The following SRPK1 variants were observed in gnomAD, a reference collection of about 807,000 sequenced individuals.
The protein encoded by SRPK1 is SFRS protein kinase 1.
Under a neutral mutation model 89.5 loss-of-function variants are expected in SRPK1, and 52 were observed. The observed-to-expected ratio is 0.58, with a 90% CI of 0.46 to 0.73. The LOEUF is 0.73. Ranked by LOEUF, SRPK1 falls within the 30% of genes least tolerant of loss-of-function variation. SRPK1 has a pLI of 0.00. For synonymous variants in SRPK1, 255 were observed against 270.2 expected (o/e 0.94, Z 0.55); for missense variants, 603 against 780.6 (o/e 0.77, Z 2.71).
At chr6:35,877,451 C>G (rs116408517) in intron 6 of SRPK1, among the ~76,000 whole-genome samples, 1,628 of 152,204 alleles carry the variant, frequency 0.011, 31 homozygotes, top group African/African-American at 0.038. Flanking sequence ...TTAGAACCAT[C>G]ACAGATGTTA....
chr6:35,888,212 C>T, intron 4 of SRPK1, 101 bp from the exon 5 acceptor site: 1 of 682,072 alleles, frequency 1.5e-6, no homozygotes, highest in Non-Finnish European at 2.3e-6. Context: ...ATATTGATTT[C>T]ACGTTTCCCT....
chr6:35,843,406 A>T (rs1306605456), intron 13 of SRPK1, among the ~76,000 whole-genome samples: 1 of 151,772 alleles, frequency 6.6e-6, no homozygotes, highest in Admixed American at 6.6e-5. Context: ...TAACTTTTGC[A>T]TAGGAAGTAC....
At chr6:35,900,203 C>G (rs1458747555) in intron 2 of SRPK1, among the ~76,000 whole-genome samples, 2 of 152,006 alleles carry the variant, frequency 1.3e-5, no homozygotes, top group African/African-American at 2.4e-5. Context: ...TCTGAACAAA[C>G]TGTTAGTGTA....
chr6:35,915,541 A>G (rs1057226988), intron 2 of SRPK1, among the ~76,000 whole-genome samples: 2 of 152,154 alleles, frequency 1.3e-5, no homozygotes, highest in African/African-American at 4.8e-5. Context: ...TGATTTGTCC[A>G]AAAGATTATT....
intron 2 of SRPK1, among the ~76,000 whole-genome samples, chr6:35,912,297 G>A (rs1770987484): frequency 6.6e-6 from 1 of 152,184 alleles, no homozygotes; most frequent in African/African-American, 2.4e-5. Flanking sequence ...GCTGCAGTGA[G>A]CTATGATAGC....
intron 13 of SRPK1, among the ~76,000 whole-genome samples, chr6:35,853,081 A>C (rs1035442930): frequency 1.3e-5 from 2 of 152,154 alleles, no homozygotes; most frequent in Non-Finnish European, 1.5e-5. Context: ...CTCTACAAAA[A>C]AATTTAAAAA....
chr6:35,877,845 A>G (rs1770188553), intron 6 of SRPK1, among the ~76,000 whole-genome samples: 1 of 150,724 alleles, frequency 6.6e-6, no homozygotes, highest in Non-Finnish European at 1.5e-5. Context: ...TCCGTCTCAA[A>G]AAAAAAAAAA....
At chr6:35,860,156 C>T (rs1769751300) in intron 12 of SRPK1, among the ~76,000 whole-genome samples, 1 of 151,954 alleles carries the variant, frequency 6.6e-6, no homozygotes, top group Admixed American at 6.6e-5. Flanking sequence ...GAGCCAAGAA[C>T]GCAGTCATTT....
chr6:35,837,869 T>A (rs1009211325), intron 15 of SRPK1, among the ~76,000 whole-genome samples: 1 of 130,958 alleles, frequency 7.6e-6, no homozygotes, highest in Non-Finnish European at 1.6e-5. Context: ...CAGTCTCTGC[T>A]TTTTTTTTTT....
intron 6 of SRPK1, among the ~76,000 whole-genome samples, chr6:35,879,515 T>C (rs1770229530): frequency 6.6e-6 from 1 of 152,100 alleles, no homozygotes; most frequent in African/African-American, 2.4e-5. Context: ...GCCACTGTAC[T>C]CCAGCCTTGG....
At chr6:35,857,187 G>T in intron 13 of SRPK1, 74 bp downstream of exon 13, 1 of 1,049,230 alleles carries the variant, frequency 9.5e-7, no homozygotes, top group East Asian at 2.5e-5. Context: ...TTAATTTGCT[G>T]GTTTACTGAA....
At chr6:35,875,675 T>C (rs1770140797) in intron 6 of SRPK1, among the ~76,000 whole-genome samples, 1 of 151,930 alleles carries the variant, frequency 6.6e-6, no homozygotes. Flanking sequence ...AAATAGAAAA[T>C]CACCATTTTT....
intron 2 of SRPK1, among the ~76,000 whole-genome samples, chr6:35,914,729 G>T (rs180911775): frequency 5.3e-5 from 8 of 152,182 alleles, no homozygotes; most frequent in Middle Eastern, 3.4e-3. Flanking sequence ...TCCCGAATAT[G>T]GAAAACAATG....
intron 15 of SRPK1, among the ~76,000 whole-genome samples, chr6:35,836,786 A>T (rs1042634574): frequency 9.7e-5 from 13 of 134,198 alleles, no homozygotes; most frequent in South Asian, 9.6e-4. Context: ...AATAATAATA[A>T]TTTTTTTTAA....
intron 12 of SRPK1, among the ~76,000 whole-genome samples, chr6:35,865,995 T>C (rs1286404369): frequency 6.6e-6 from 1 of 151,364 alleles, no homozygotes; most frequent in African/African-American, 2.4e-5. Context: ...ATCTAGAATT[T>C]ACAAGAAACT....
At chr6:35,915,231 G>A (rs888870592) in intron 2 of SRPK1, among the ~76,000 whole-genome samples, 3 of 152,008 alleles carry the variant, frequency 2.0e-5, no homozygotes, top group South Asian at 2.1e-4. Flanking sequence ...GTTAAACCTC[G>A]TCTCTACTAA....
At chr6:35,838,672 T>C (rs1769236648) in intron 14 of SRPK1, 2 of 1,507,708 alleles carry the variant, frequency 1.3e-6, no homozygotes, top group South Asian at 2.3e-5. Flanking sequence ...CTCTGCTTCC[T>C]GAAGTATCCC....
chr6:35,896,340 T>G (rs903086265), intron 2 of SRPK1, among the ~76,000 whole-genome samples: 2 of 152,100 alleles, frequency 1.3e-5, no homozygotes, highest in African/African-American at 2.4e-5. Context: ...GTCACAGGAG[T>G]CTGTGTTCAT....
At position 35,872,470 on chromosome 6, in the gene SRPK1, G is replaced by C. The variant is rs1485347044; in HGVS notation, c.751+93C>G. The C allele has an allele frequency of 5.3e-6, 6 of 1,137,654 alleles. No homozygotes were observed. The African/African-American group carries it at 8.0e-5, about 15-fold the overall frequency. The allele number at this position is 1,137,654 out of a possible 1,614,324, so 70.5% of individuals were successfully genotyped here. On this transcript the variant is annotated intron_variant, in intron 8 of 15. Transcript: ENST00000373825. ...TCTTAAATATGTTATTGTTGAAATGGATTGAGTGGTGTTTAATTCCCTGGT... is the reference window on the plus strand; with the variant it reads ...TCTTAAATATGTTATTGTTGAAATGCATTGAGTGGTGTTTAATTCCCTGGT...
Sources: gnomAD v4.1 joint callset for allele counts (sites outside exome capture counted in the v4.1 genomes callset) on GRCh38, gnomAD v4.1.1 for gene constraint, MANE v1.5 for transcripts, NCBI Gene and HGNC (gene_info 2026-07-23, HGNC 2026-07-21) for gene names.